HPSE2: variants seen among roughly 807,000 people sequenced by gnomAD.
The protein encoded by HPSE2 is heparanase 2 (inactive).
In HPSE2, 38 loss-of-function variants were observed where a neutral mutation model predicts 60.5. That is an observed-to-expected ratio of 0.63 (90% CI 0.48 to 0.82). The LOEUF (loss-of-function observed/expected upper bound fraction) is 0.82, where lower values mean the gene tolerates loss of function less well. Ranked by LOEUF, HPSE2 falls within the 40% of genes least tolerant of loss-of-function variation. The probability of loss-of-function intolerance (pLI) is 0.00; values close to 1 mark genes in which losing one functional copy is unlikely to be tolerated. For missense variants in HPSE2, 713 were observed against 740.4 expected, an observed-to-expected ratio of 0.96 and a Z score of 0.43; for synonymous variants, 295 against 293.2, an observed-to-expected ratio of 1.01 and a Z score of -0.06.
At chr10:98,982,038 T>A (rs1050168590) in intron 3 of HPSE2, among the ~76,000 whole-genome samples, 2 of 151,896 alleles carry the variant, frequency 1.3e-5, no homozygotes, top group African/African-American at 4.8e-5. Flanking sequence ...TAGTTCTCTA[T>A]CCTTTTTTTT....
At chr10:98,489,888 T>C (rs192533340) in intron 10 of HPSE2, among the ~76,000 whole-genome samples, 163 bp downstream of exon 10, 1 of 152,352 alleles carries the variant, frequency 6.6e-6, no homozygotes, top group East Asian at 1.9e-4. Flanking sequence ...TAAAAGCTAT[T>C]TACCAGAAAT....
At chr10:99,308,401 AC>A in the HPSE2 span, among the ~76,000 whole-genome samples, 2 of 148,058 alleles carry the variant, frequency 1.4e-5, no homozygotes, top group African/African-American at 5.0e-5. Context: ...AAAAAAGGAA[AC>A]CATCAAAATC....
rs568995186 is a variant in HPSE2, at chr10:98,597,742, G to C, written c.1320+17162C>G. ...TGTAATCCCAGCATCATGGGAGGCT[G>C]AGGCAGGCATTTGAGGTCAGGAGTT... On this transcript the variant is annotated intron_variant, in intron 9 of 11. Coordinates refer to ENST00000370552, the MANE Select transcript of HPSE2 (RefSeq NM_021828.5). 2.2e-4 allele frequency among the ~76,000 whole-genome samples: 34 copies of C among 151,450 alleles called. No individual in the cohort carries two copies. In the South Asian group the frequency reaches 5.8e-3, roughly 26 times the overall value.
chr10:98,612,684 G>A (rs951408376), intron 9 of HPSE2, among the ~76,000 whole-genome samples: 2 of 152,220 alleles, frequency 1.3e-5, no homozygotes, highest in Non-Finnish European at 2.9e-5. Context: ...AGTGTTCAGA[G>A]CATTGTAGAT....
At chr10:99,135,951 G>A (rs1554897060) in intron 3 of HPSE2, among the ~76,000 whole-genome samples, 1 of 152,002 alleles carries the variant, frequency 6.6e-6, no homozygotes, top group Non-Finnish European at 1.5e-5. Flanking sequence ...GAATCCAGGA[G>A]CTGTTTTTTG....
intron 3 of HPSE2, among the ~76,000 whole-genome samples, chr10:98,857,969 A>G (rs1952358157): frequency 6.6e-6 from 1 of 152,206 alleles, no homozygotes; most frequent in Admixed American, 6.5e-5. Flanking sequence ...AAGGAAAACC[A>G]CTGGTCTTAG....
chr10:98,616,751 T>C (rs1205597021), intron 8 of HPSE2, among the ~76,000 whole-genome samples: 3 of 152,184 alleles, frequency 2.0e-5, no homozygotes, highest in Non-Finnish European at 4.4e-5. Flanking sequence ...ATCATTTTTG[T>C]TGTTGTTCTT....
At chr10:98,846,318 A>G (rs1952033499) in intron 3 of HPSE2, among the ~76,000 whole-genome samples, 1 of 152,210 alleles carries the variant, frequency 6.6e-6, no homozygotes, top group Non-Finnish European at 1.5e-5. Context: ...GTGCTTTGAA[A>G]AGCAAAATAC....
intron 3 of HPSE2, among the ~76,000 whole-genome samples, chr10:99,109,380 T>C (rs1256990850): frequency 3.3e-5 from 5 of 152,126 alleles, no homozygotes; most frequent in African/African-American, 1.2e-4. Flanking sequence ...CTTTTTTATC[T>C]GGTTAACTTT....
At chr10:98,884,029 G>A (rs1418021814) in intron 3 of HPSE2, among the ~76,000 whole-genome samples, 3 of 152,110 alleles carry the variant, frequency 2.0e-5, no homozygotes, top group Admixed American at 1.3e-4. Context: ...TTCTACTCCA[G>A]TGAACACAGA....
intron 7 of HPSE2, among the ~76,000 whole-genome samples, chr10:98,622,306 C>T (rs531009918): frequency 5.3e-4 from 80 of 152,124 alleles, no homozygotes; most frequent in African/African-American, 1.9e-3. Flanking sequence ...TATAATGACA[C>T]ATGCCTCTTA....
intron 9 of HPSE2, among the ~76,000 whole-genome samples, chr10:98,517,604 C>T (rs966620767): frequency 5.9e-5 from 9 of 152,156 alleles, no homozygotes; most frequent in Admixed American, 4.6e-4. Flanking sequence ...ACTTAAGAAA[C>T]TTTTTTTCCA....
chr10:99,040,002 G>A (rs1957701004), intron 3 of HPSE2, among the ~76,000 whole-genome samples: 1 of 152,130 alleles, frequency 6.6e-6, no homozygotes, highest in Non-Finnish European at 1.5e-5. Context: ...GCTGTTGCCT[G>A]TATAATATTC....
chr10:98,637,985 C>A (rs1011499237), intron 7 of HPSE2, among the ~76,000 whole-genome samples: 1 of 151,264 alleles, frequency 6.6e-6, no homozygotes, highest in African/African-American at 2.4e-5. Flanking sequence ...GCCAAAAATA[C>A]AAAAATCAGC....
At chr10:98,825,173 G>C (rs1951514582) in intron 3 of HPSE2, among the ~76,000 whole-genome samples, 1 of 152,094 alleles carries the variant, frequency 6.6e-6, no homozygotes, top group African/African-American at 2.4e-5. Context: ...AAGGTTTAAT[G>C]TTCTTTTTGG....
At chr10:99,181,215 G>A (rs1449961552) in intron 2 of HPSE2, among the ~76,000 whole-genome samples, 20 of 150,386 alleles carry the variant, frequency 1.3e-4, no homozygotes, top group Admixed American at 2.0e-4. Flanking sequence ...CGGCTAAAAC[G>A]GTGAAACCCC....
chr10:98,746,086 T>C (rs10883188), intron 3 of HPSE2, among the ~76,000 whole-genome samples: 4 of 152,152 alleles, frequency 2.6e-5, no homozygotes, highest in African/African-American at 7.2e-5. Context: ...TGTCAACTTA[T>C]ATCATACTCT....
intron 2 of HPSE2, among the ~76,000 whole-genome samples, chr10:99,154,786 C>T (rs898143052): frequency 6.6e-6 from 1 of 151,870 alleles, no homozygotes; most frequent in South Asian, 2.1e-4. Context: ...CTAAATGCTC[C>T]AATTAAAAGA....
At chr10:99,277,784 T>C in the HPSE2 span, among the ~76,000 whole-genome samples, 6 of 152,098 alleles carry the variant, frequency 3.9e-5, no homozygotes, top group African/African-American at 1.4e-4. Flanking sequence ...GCTTAACATG[T>C]GTGGACCTCA....
Sources: allele counts gnomAD v4.1 joint callset (sites outside exome capture counted in the v4.1 genomes callset), GRCh38; gene constraint gnomAD v4.1.1; transcripts MANE v1.5; gene names NCBI Gene and HGNC (gene_info 2026-07-23, HGNC 2026-07-21).